Variants in FBXO16 observed in about 807,000 individuals in gnomAD.
The protein encoded by FBXO16 is F-box protein 16.
A neutral mutation model predicts 41.0 loss-of-function variants in FBXO16; 31 were observed. That is an observed-to-expected ratio of 0.76 (90% CI 0.57 to 1.02). The LOEUF (loss-of-function observed/expected upper bound fraction) is 1.02, where lower values mean the gene tolerates loss of function less well. FBXO16 is among the 50% of genes least tolerant of loss of function. The probability of loss-of-function intolerance (pLI) is 0.00; values close to 1 mark genes in which losing one functional copy is unlikely to be tolerated. For synonymous variants in FBXO16, 133 were observed against 117.8 expected, an observed-to-expected ratio of 1.13 and a Z score of -0.84; for missense variants, 361 against 346.2, an observed-to-expected ratio of 1.04 and a Z score of -0.34.
chr8:28,436,527 G>A (rs901215833), intron 7 of FBXO16, among the ~76,000 whole-genome samples: 5 of 152,020 alleles, frequency 3.3e-5, no homozygotes, highest in African/African-American at 9.7e-5. Flanking sequence ...CTCGAGCCAG[G>A]GTTTTGAAAT....
chr8:28,439,402 A>G (rs1802730617), intron 7 of FBXO16, among the ~76,000 whole-genome samples: 2 of 152,262 alleles, frequency 1.3e-5, no homozygotes, highest in South Asian at 4.1e-4. Flanking sequence ...TCCAATGGAT[A>G]TTTTTGGTTC....
chr8:28,459,404 G>C (rs1451762104), intron 4 of FBXO16, among the ~76,000 whole-genome samples: 29 of 151,944 alleles, frequency 1.9e-4, no homozygotes, highest in Admixed American at 1.8e-3. Flanking sequence ...GATCACCCGA[G>C]GCCAGGAGTT....
chr8:28,444,058 T>C (rs1461131468), intron 7 of FBXO16, among the ~76,000 whole-genome samples: 1 of 152,178 alleles, frequency 6.6e-6, no homozygotes, highest in East Asian at 1.9e-4. Flanking sequence ...TTTCACTGTA[T>C]GAACTTGCAC....
intron 7 of FBXO16, among the ~76,000 whole-genome samples, chr8:28,434,812 G>T (rs1352051448): frequency 6.6e-6 from 1 of 152,190 alleles, no homozygotes; most frequent in Non-Finnish European, 1.5e-5. Context: ...CCAGTCGGCC[G>T]CTCTAAGCTC....
intron 2 of FBXO16, among the ~76,000 whole-genome samples, chr8:28,481,575 G>C (rs1410822671): frequency 6.6e-6 from 1 of 151,816 alleles, no homozygotes; most frequent in African/African-American, 2.4e-5. Context: ...ACTTTGGAAG[G>C]CTGAGGCGGG....
intron 4 of FBXO16, 144 bp downstream of exon 4, chr8:28,463,468 A>G (rs1339862229): frequency 1.6e-5 from 12 of 749,604 alleles, no homozygotes; most frequent in Non-Finnish European, 4.3e-6. Flanking sequence ...ATGTGTGTCT[A>G]AGTGTACATT....
chr8:28,443,023 C>CT (rs61693872), intron 7 of FBXO16, among the ~76,000 whole-genome samples: 29,320 of 142,872 alleles, frequency 0.21, 3,065 homozygotes, highest in South Asian at 0.31. Context: ...ATTACTTGTA[C>CT]TTTTTTTTTT....
chr8:28,428,843 G>A (rs1441103616), intron 8 of FBXO16, 107 bp from the exon 9 acceptor site: 2 of 1,253,028 alleles, frequency 1.6e-6, no homozygotes, highest in Non-Finnish European at 1.1e-6. Flanking sequence ...AAAATTATAG[G>A]GCTGGATGGG....
intron 3 of FBXO16, 148 bp downstream of exon 3, chr8:28,473,624 C>G (rs1803371657): frequency 9.7e-6 from 7 of 723,684 alleles, no homozygotes; most frequent in Non-Finnish European, 1.6e-5. Context: ...CCATGAAAAA[C>G]AAATGTCTGG....
intron 2 of FBXO16, among the ~76,000 whole-genome samples, chr8:28,474,657 A>G (rs1026498434): frequency 6.6e-5 from 10 of 152,164 alleles, no homozygotes; most frequent in Non-Finnish European, 1.2e-4. Context: ...CATCTGTAGG[A>G]TTAGAAATGT....
At chr8:28,473,496 C>T (rs936944355) in intron 3 of FBXO16, among the ~76,000 whole-genome samples, 12 of 152,180 alleles carry the variant, frequency 7.9e-5, no homozygotes, top group Non-Finnish European at 1.5e-4. Context: ...CCAGATAATT[C>T]ATTCTCCCTC....
At chr8:28,430,474 G>A (rs1271603509) in intron 7 of FBXO16, among the ~76,000 whole-genome samples, 2 of 151,730 alleles carry the variant, frequency 1.3e-5, no homozygotes, top group Admixed American at 6.6e-5. Context: ...CAAAACTGGG[G>A]TTAAAGTAGC....
chr8:28,433,560 C>T (rs1292172796), intron 7 of FBXO16, among the ~76,000 whole-genome samples: 1 of 152,230 alleles, frequency 6.6e-6, no homozygotes, highest in Non-Finnish European at 1.5e-5. Context: ...CGGGACTTTT[C>T]CCTTCCTGGG....
intron 6 of FBXO16, among the ~76,000 whole-genome samples, chr8:28,450,371 A>G (rs1163615679): frequency 1.3e-5 from 2 of 152,222 alleles, no homozygotes; most frequent in Non-Finnish European, 2.9e-5. Flanking sequence ...AACTCTTAGA[A>G]GAAAATATAC....
At chr8:28,457,341 C>T (rs981515561) in intron 4 of FBXO16, among the ~76,000 whole-genome samples, 15 of 152,140 alleles carry the variant, frequency 9.9e-5, no homozygotes, top group African/African-American at 3.6e-4. Flanking sequence ...CAGGTCTGCA[C>T]TTTTTTTATT....
chr8:28,441,948 T>TGTGTGTA (rs1241990516), intron 7 of FBXO16, among the ~76,000 whole-genome samples: 1 of 69,354 alleles, frequency 1.4e-5, no homozygotes, highest in African/African-American at 8.1e-5. Flanking sequence ...GTGTGTGTAT[T>TGTGTGTA]TTTTTTTTTT....
chr8:28,476,075 G>A (rs1803418640), intron 2 of FBXO16, among the ~76,000 whole-genome samples: 1 of 152,126 alleles, frequency 6.6e-6, no homozygotes, highest in Non-Finnish European at 1.5e-5. Context: ...TCTGACTACA[G>A]GAAGAAGAAG....
At chr8:28,434,278 T>C (rs1481284572) in intron 7 of FBXO16, among the ~76,000 whole-genome samples, 2 of 152,140 alleles carry the variant, frequency 1.3e-5, no homozygotes, top group Non-Finnish European at 2.9e-5. Flanking sequence ...GATTTTTTTG[T>C]TTGTTGTCCA....
At chr8:28,476,650 C>T (rs534575161) in intron 2 of FBXO16, among the ~76,000 whole-genome samples, 5 of 152,244 alleles carry the variant, frequency 3.3e-5, no homozygotes, top group East Asian at 1.9e-4. Context: ...CAAAATCCCA[C>T]GGTTGTTATT....
Sources: gnomAD v4.1 joint callset for allele counts (sites outside exome capture counted in the v4.1 genomes callset) on GRCh38, gnomAD v4.1.1 for gene constraint, MANE v1.5 for transcripts, NCBI Gene and HGNC (gene_info 2026-07-23, HGNC 2026-07-21) for gene names.